MAD1L1: variants seen among roughly 807,000 people sequenced by gnomAD.
MAD1L1 encodes the protein mitotic arrest deficient 1 like 1.
A neutral mutation model predicts 96.9 loss-of-function variants in MAD1L1; 95 were observed. The observed-to-expected ratio is 0.98, with a 90% CI of 0.83 to 1.16. MAD1L1 has a LOEUF of 1.16. Among genes scored for constraint, MAD1L1 ranks in the 50% most tolerant of loss-of-function variants. The pLI is 0.00. For missense variants in MAD1L1, 1,007 were observed against 954.4 expected (o/e 1.06, Z -0.73); for synonymous variants, 473 against 396.6 (o/e 1.19, Z -2.29).
At chr7:2,060,650 A>G (rs1489791022) in intron 12 of MAD1L1, among the ~76,000 whole-genome samples, 1 of 152,254 alleles carries the variant, frequency 6.6e-6, no homozygotes, top group African/African-American at 2.4e-5. Flanking sequence ...AACACACCAG[A>G]AAGCCCTGAA....
chr7:2,159,856 G>A (rs949034781), intron 10 of MAD1L1, among the ~76,000 whole-genome samples: 6 of 152,202 alleles, frequency 3.9e-5, no homozygotes, highest in Non-Finnish European at 8.8e-5. Context: ...ACAGACACAA[G>A]AAGCGGACTA....
Position 2,186,972 on chromosome 7 carries a change from T to C in MAD1L1, c.986+26240A>G, listed in dbSNP as rs148529070. On this transcript the variant is annotated intron_variant, in intron 10 of 18. Transcript: ENST00000265854. ...CCACGCCCGGCGAATTTTTTATTTTTAGTAGAGACGAGGTTTCGCCATGTT... is the reference window on the plus strand; with the variant it reads ...CCACGCCCGGCGAATTTTTTATTTTCAGTAGAGACGAGGTTTCGCCATGTT... 5.9e-3 allele frequency among the ~76,000 whole-genome samples: 904 copies of C among 152,142 alleles called. 25 individuals are homozygous for C. Among genetic ancestry groups the C allele is most frequent in the Admixed American group, 0.05 (759 of 15,276 alleles).
At chr7:2,194,432 G>A (rs1281985443) in intron 10 of MAD1L1, among the ~76,000 whole-genome samples, 3 of 152,180 alleles carry the variant, frequency 2.0e-5, no homozygotes, top group Non-Finnish European at 4.4e-5. Context: ...AGCAGCTTTT[G>A]CACTAAAATC....
chr7:1,919,778 C>T (rs1031307023), intron 17 of MAD1L1, among the ~76,000 whole-genome samples: 6 of 152,240 alleles, frequency 3.9e-5, no homozygotes, highest in African/African-American at 1.4e-4. Flanking sequence ...TGGCCCAAGT[C>T]CAAAACAGCT....
At chr7:1,979,940 G>C (rs1211876539) in intron 15 of MAD1L1, among the ~76,000 whole-genome samples, 1 of 152,220 alleles carries the variant, frequency 6.6e-6, no homozygotes, top group African/African-American at 2.4e-5. Context: ...GGCTGGAGAA[G>C]TGCTGCTGAA....
At chr7:1,914,204 G>A (rs950983078) in intron 17 of MAD1L1, among the ~76,000 whole-genome samples, 19 of 152,224 alleles carry the variant, frequency 1.2e-4, no homozygotes, top group African/African-American at 4.6e-4. Context: ...GAGTCGGAAG[G>A]AGGAGATGGC....
At chr7:1,940,988 T>TCAGCCTCCTCTTCCTCC (rs1778957792) in intron 16 of MAD1L1, among the ~76,000 whole-genome samples, 3 of 124,438 alleles carry the variant, frequency 2.4e-5, no homozygotes. Context: ...CCTCTTCCTC[T>TCAGCCTCCTCTTCCTCC]CCCAGGCCTC....
intron 16 of MAD1L1, among the ~76,000 whole-genome samples, chr7:1,953,370 C>G (rs975886624): frequency 6.6e-6 from 1 of 152,286 alleles, no homozygotes; most frequent in South Asian, 2.1e-4. Flanking sequence ...AGGTTGGCCC[C>G]GGCCACAAAC....
intron 15 of MAD1L1, among the ~76,000 whole-genome samples, chr7:1,964,712 C>T (rs1379630107): frequency 2.0e-5 from 3 of 152,236 alleles, no homozygotes; most frequent in African/African-American, 7.2e-5. Context: ...AAAGCAGGTG[C>T]CTGTCTCCGA....
chr7:2,232,661 G>A (rs1045674900), intron 1 of MAD1L1, among the ~76,000 whole-genome samples: 2 of 152,182 alleles, frequency 1.3e-5, no homozygotes, highest in Non-Finnish European at 2.9e-5. Context: ...GGGGAGTGGG[G>A]ACAGGGGAGT....
intron 12 of MAD1L1, among the ~76,000 whole-genome samples, chr7:2,067,571 C>T (rs528929834): frequency 2.0e-4 from 30 of 152,238 alleles, no homozygotes; most frequent in African/African-American, 7.2e-4. Context: ...TCGGGCTGCA[C>T]TTGCCTGAAC....
At chr7:1,956,094 G>C (rs1022366989) in intron 16 of MAD1L1, among the ~76,000 whole-genome samples, 6 of 152,110 alleles carry the variant, frequency 3.9e-5, no homozygotes, top group African/African-American at 1.4e-4. Flanking sequence ...ACCTAAGCCG[G>C]TTCAAGGCAC....
chr7:1,898,413 C>T (rs1243496729), intron 17 of MAD1L1, 23 bp from the exon 18 acceptor site: 13 of 1,608,310 alleles, frequency 8.1e-6, no homozygotes, highest in Admixed American at 3.3e-5. Context: ...CGGAAGGAGA[C>T]AGTGAGTGCG....
rs747357649 is a variant in MAD1L1 at position 1,968,390 on chromosome 7, C to T, written c.1506-10671G>A. Among the ~76,000 whole-genome samples, 3 of 151,542 alleles carry T rather than the reference C, an allele frequency of 2.0e-5. No homozygotes were observed. Among genetic ancestry groups the T allele is most frequent in the African/African-American group, 4.9e-5 (2 of 41,154 alleles). On this transcript the variant is annotated intron_variant, in intron 15 of 18. Coordinates refer to ENST00000265854, the MANE Select transcript of MAD1L1 (RefSeq NM_001013836.2). The surrounding 1 kb of genome is among the most constrained non-coding windows in gnomAD (Gnocchi z 5.6). ...GTCCACTGTCAATGCCTCAGTCCAG[C>T]GGTCAGGTCCACTGTCCATGCCTCA... is the stretch of plus-strand genomic sequence containing the variant.
At chr7:2,176,713 T>C (rs2128598390) in intron 10 of MAD1L1, among the ~76,000 whole-genome samples, 1 of 152,340 alleles carries the variant, frequency 6.6e-6, no homozygotes, top group East Asian at 1.9e-4. Context: ...TAGTAAACTA[T>C]ACTGTCTCTA....
intron 18 of MAD1L1, among the ~76,000 whole-genome samples, chr7:1,839,117 T>C (rs1429675476): frequency 3.3e-5 from 5 of 152,192 alleles, no homozygotes; most frequent in Admixed American, 6.5e-5. Context: ...TCCTGCTCTT[T>C]AGAGCAACAG....
chr7:1,928,780 A>T (rs1267523756), intron 17 of MAD1L1, among the ~76,000 whole-genome samples: 2 of 152,156 alleles, frequency 1.3e-5, no homozygotes, highest in Admixed American at 1.3e-4. Context: ...GGCCTGTGCC[A>T]CGTGAGAGCT....
chr7:1,924,281 G>C (rs1788973666), intron 17 of MAD1L1, among the ~76,000 whole-genome samples: 1 of 152,232 alleles, frequency 6.6e-6, no homozygotes, highest in African/African-American at 2.4e-5. Flanking sequence ...AGGGTGGCAG[G>C]CATTACACCC....
At chr7:1,901,261 T>C (rs1245072353) in intron 17 of MAD1L1, among the ~76,000 whole-genome samples, 1 of 152,180 alleles carries the variant, frequency 6.6e-6, no homozygotes, top group African/African-American at 2.4e-5. Flanking sequence ...ATGGTTTGGA[T>C]TAAATAAATA....
Sources: gnomAD v4.1 joint callset for allele counts (sites outside exome capture counted in the v4.1 genomes callset) on GRCh38, gnomAD v4.1.1 for gene constraint, Gnocchi (gnomAD v3.1) non-coding constraint, MANE v1.5 for transcripts, NCBI Gene and HGNC (gene_info 2026-07-23, HGNC 2026-07-21) for gene names.